The following TLK2 variants were observed in gnomAD, a reference collection of about 807,000 sequenced individuals.
TLK2 encodes tousled like kinase 2, also known as serine/threonine-protein kinase tousled-like 2.
A neutral mutation model predicts 117.3 loss-of-function variants in TLK2; 6 were observed. The ratio of observed to expected loss-of-function variants is 0.05; its 90% CI spans 0.03 to 0.10. The LOEUF (loss-of-function observed/expected upper bound fraction) is 0.10. Ranked by LOEUF, TLK2 falls within the 10% of genes least tolerant of loss-of-function variation. The pLI, the probability that TLK2 is intolerant of heterozygous loss-of-function variation, is 1.00. For synonymous variants in TLK2, 257 were observed against 316.7 expected, an observed-to-expected ratio of 0.81 and a Z score of 2.00; for missense variants, 299 against 901.2, an observed-to-expected ratio of 0.33 and a Z score of 8.56.
chr17:62,514,509 A>G (rs1187139547), intron 2 of TLK2, among the ~76,000 whole-genome samples: 4 of 152,062 alleles, frequency 2.6e-5, no homozygotes, highest in African/African-American at 9.7e-5. Context: ...AATTTTAAAA[A>G]CAATACAGTT....
chr17:62,593,731 G>A (rs1403906455), intron 16 of TLK2, among the ~76,000 whole-genome samples: 1 of 150,672 alleles, frequency 6.6e-6, no homozygotes, highest in Non-Finnish European at 1.5e-5. Flanking sequence ...CGAAGGACCC[G>A]CCTGAGGCTG....
chr17:62,548,539 C>T lies in TLK2; in HGVS notation c.532-3763C>T, dbSNP rs186562768. On this transcript the variant is annotated intron_variant, in intron 7 of 21. Coordinates refer to ENST00000346027, the MANE Select transcript of TLK2 (RefSeq NM_006852.6). ...CTCATGATCTGCCTGTCTTGGCCTC[C>T]CAAAGTGACAGGATTACAGGCATGA... 5.7e-3 allele frequency among the ~76,000 whole-genome samples: 873 copies of T among 151,904 alleles called. 8 individuals carry two copies. Among genetic ancestry groups the T allele is most frequent in the African/African-American group, 0.02 (832 of 41,424 alleles).
intron 20 of TLK2, among the ~76,000 whole-genome samples, chr17:62,606,652 CTAT>C (rs950865233): frequency 6.6e-6 from 1 of 152,142 alleles, no homozygotes; most frequent in African/African-American, 2.4e-5. Context: ...TTAGTTGAAC[CTAT>C]TATTAATGAA....
intron 10 of TLK2, among the ~76,000 whole-genome samples, chr17:62,563,558 T>A (rs2079472812): frequency 6.6e-6 from 1 of 152,246 alleles, no homozygotes; most frequent in African/African-American, 2.4e-5. Context: ...ACTGCAGCTA[T>A]AAATTGCCTG....
In TLK2 at chr17:62,600,697, T is replaced by C. The variant is rs1217643222; in HGVS notation, c.1597T>C (p.Tyr533His). The change falls in exon 18 of 22, where the codon TAC (tyrosine) becomes CAC (histidine). Residue 533 changes from tyrosine to histidine, a missense_variant. Around this residue, in one of 4 missense-constraint regions of TLK2, gnomAD observed 81 missense variants for 370.9 expected, o/e 0.22. Coordinates refer to ENST00000346027, the MANE Select transcript of TLK2 (RefSeq NM_006852.6). ...EYCEGNDLDF[Y>H]LKQHKLMSEK... Reference sequence around the variant, plus strand: ...CTGTGAGGGAAATGATCTGGACTTCTACCTGAAACAGCACAAATTAATGTC... The same window carrying C: ...CTGTGAGGGAAATGATCTGGACTTCCACCTGAAACAGCACAAATTAATGTC... The C allele has an allele frequency of 1.2e-6, 2 of 1,612,370 alleles. No homozygotes were observed. The highest frequency in any genetic ancestry group is 2.2e-5 in the East Asian group (1 of 44,862).
At chr17:62,572,772 C>G (rs549924636) in intron 11 of TLK2, 2 of 153,402 alleles carry the variant, frequency 1.3e-5, no homozygotes, top group African/African-American at 4.8e-5. Context: ...ATCCTACAAA[C>G]TTGGTATCTT....
At position 62,615,213 on chromosome 17, in the gene TLK2, GCCCCAGAGAACATGCAGAACATTGA is replaced by G. The variant is rs1237266398; in HGVS notation, c.*2651_*2675del. ...AGACCTTCTTCCGAGGCATGGACAA[GCCCCAGAGAACATGCAGAACATTGA>G]CCTTTCCATTGACTGTCTTTCAAGC... On this transcript the variant is annotated 3_prime_UTR_variant, in exon 22 of 22. Transcript: ENST00000346027. 1 of 152,170 alleles carries G rather than the reference GCCCCAGAGAACATGCAGAACATTGA, an allele frequency of 6.6e-6. No individual in the cohort carries two copies. Among genetic ancestry groups the G allele is most frequent in the Non-Finnish European group, 1.5e-5 (1 of 68,038 alleles). The allele number at this position is 152,170 out of a possible 1,614,324, so 9.4% of individuals were successfully genotyped here. A position where few individuals can be genotyped will look rare whatever the true frequency, so the allele number is the denominator to read the frequency against.
chr17:62,475,110 A>C (rs1276190276), upstream of TLK2, among the ~76,000 whole-genome samples: 1 of 152,178 alleles, frequency 6.6e-6, no homozygotes, highest in Non-Finnish European at 1.5e-5. Context: ...TTTTGTTAGG[A>C]ATTGGAAGAA....
chr17:62,599,825 C>T (rs552856600), intron 17 of TLK2, among the ~76,000 whole-genome samples: 9 of 152,106 alleles, frequency 5.9e-5, no homozygotes, highest in Admixed American at 2.6e-4. Context: ...AACTTCAAAA[C>T]GTATTCATCC....
chr17:62,522,287 C>T lies in TLK2; in HGVS notation c.223+14C>T, dbSNP rs780569693. The T allele has an allele frequency of 1.8e-5, 29 of 1,607,154 alleles. No individual in the cohort carries two copies. Among genetic ancestry groups the T allele is most frequent in the East Asian group, 6.7e-5 (3 of 44,706 alleles). On this transcript the variant is annotated intron_variant, in intron 4 of 21. Transcript: ENST00000346027. ...AAACTAGCCAAGGTAGTAATAATTT[C>T]GTATCAACAAAAGTACTCAATTCTA...
chr17:62,600,047 A>C (rs1035499487), intron 17 of TLK2, among the ~76,000 whole-genome samples: 2 of 152,348 alleles, frequency 1.3e-5, no homozygotes, highest in East Asian at 3.9e-4. Flanking sequence ...TGTGTTTAAG[A>C]GAAATTGTAG....
chr17:62,590,179 C>T (rs1425510636), intron 16 of TLK2, among the ~76,000 whole-genome samples: 1 of 149,088 alleles, frequency 6.7e-6, no homozygotes, highest in East Asian at 2.1e-4. Flanking sequence ...CGCCTGTAAT[C>T]CCAGCACTTT....
At chr17:62,599,379 C>T (rs923104235) in intron 17 of TLK2, among the ~76,000 whole-genome samples, 3 of 152,216 alleles carry the variant, frequency 2.0e-5, no homozygotes, top group Non-Finnish European at 2.9e-5. Context: ...TGGCCCATAG[C>T]GCTAGACCTG....
intron 7 of TLK2, among the ~76,000 whole-genome samples, chr17:62,546,467 G>C (rs1218605169): frequency 1.4e-5 from 2 of 145,844 alleles, no homozygotes; most frequent in Non-Finnish European, 3.0e-5. Context: ...ATAGTTTCAG[G>C]GTCTCTGTGC....
At chr17:62,516,785 C>G in intron 2 of TLK2, 1 of 1,437,610 alleles carries the variant, frequency 7.0e-7, no homozygotes. Context: ...GCTGCAGGGT[C>G]CGGGGCCGGG....
Position 62,602,163 on chromosome 17 carries a change from A to G in TLK2, c.1842A>G (p.Gln614=), listed in dbSNP as rs1375764076. 1.2e-6 allele frequency: 2 copies of G among 1,613,850 alleles called. No homozygotes were observed. Among genetic ancestry groups the G allele is most frequent in the South Asian group, 1.1e-5 (1 of 91,046 alleles). Residue 614 remains glutamine (Q), a synonymous_variant, in exon 19 of 22, where the codon CAA becomes CAG. Transcript: ENST00000346027. ...TGGATGGCATGGAGCTAACATCACA[A>G]GGTGCTGGTACTTATTGGTAGGTAT... ...NSVDGMELTS[Q]GAGTYWYLPP... is the part of the protein sequence containing the mutation.
At chr17:62,560,350 T>G (rs1212786102) in intron 10 of TLK2, 3 of 271,208 alleles carry the variant, frequency 1.1e-5, no homozygotes, top group African/African-American at 6.7e-5. Flanking sequence ...AGTGTGATAT[T>G]GAACAGAGAC....
intron 9 of TLK2, among the ~76,000 whole-genome samples, chr17:62,556,510 A>T (rs535573883): frequency 6.6e-6 from 1 of 152,306 alleles, no homozygotes; most frequent in South Asian, 2.1e-4. Context: ...GAAAGACAAC[A>T]CTGTGTGCAG....
chr17:62,553,339 A>G (rs2078618500), intron 8 of TLK2: 1 of 231,516 alleles, frequency 4.3e-6, no homozygotes, highest in Admixed American at 5.7e-5. Context: ...GTCTCCTGTG[A>G]GATCCTTTTC....
Sources: gnomAD v4.1 joint callset for allele counts (sites outside exome capture counted in the v4.1 genomes callset) on GRCh38, gnomAD v4.1.1 for gene constraint, gnomAD v4.1.1 regional missense constraint, MANE v1.5 for transcripts, NCBI Gene and HGNC (gene_info 2026-07-23, HGNC 2026-07-21) for gene names.